Variants in EYA2 observed in about 807,000 individuals in gnomAD.
EYA2 encodes the protein EYA transcriptional coactivator and phosphatase 2, also known as protein phosphatase EYA2.
A neutral mutation model predicts 69.2 loss-of-function variants in EYA2; 31 were observed. The observed-to-expected ratio is 0.45, with a 90% CI of 0.34 to 0.60. EYA2 has a LOEUF of 0.60. Ranked by LOEUF, EYA2 falls within the 20% of genes least tolerant of loss-of-function variation. The probability of loss-of-function intolerance (pLI) is 0.02; values close to 1 mark genes in which losing one functional copy is unlikely to be tolerated. For synonymous variants in EYA2, 257 were observed against 279.4 expected, an observed-to-expected ratio of 0.92 and a Z score of 0.80; for missense variants, 622 against 701.2, an observed-to-expected ratio of 0.89 and a Z score of 1.28.
At chr20:47,096,164 A>C (rs1277959014) in intron 8 of EYA2, 1 of 152,236 alleles carries the variant, frequency 6.6e-6, no homozygotes, top group African/African-American at 2.4e-5. Flanking sequence ...AGTAAAGAGA[A>C]TACATACAAT....
At position 47,089,393 on chromosome 20, in the gene EYA2, G is replaced by GGGCT; in HGVS notation, c.804+13_804+16dup. ...ACAATGAGATTGAGGTAATCCAAAG[G>GGGCT]GGCTCTGTGTGACCTGGTGAATGTA... On this transcript the variant is annotated intron_variant, in intron 8 of 15. Coordinates refer to ENST00000327619, the MANE Select transcript of EYA2 (RefSeq NM_005244.5). 3 of 1,608,138 alleles carry GGGCT rather than the reference G, an allele frequency of 1.9e-6. No individual in the cohort carries two copies.
At chr20:46,964,215 C>T (rs530434508) in intron 1 of EYA2, among the ~76,000 whole-genome samples, 2 of 152,288 alleles carry the variant, frequency 1.3e-5, no homozygotes, top group African/African-American at 4.8e-5. Flanking sequence ...TTTTTAGTCC[C>T]TGTGAAAGTT....
chr20:46,928,832 A>G (rs1985529884), intron 1 of EYA2, among the ~76,000 whole-genome samples: 2 of 152,268 alleles, frequency 1.3e-5, no homozygotes, highest in East Asian at 3.9e-4. Context: ...GGACTGCTAT[A>G]CAGACAGAGT....
rs139848931 is a variant in EYA2 at position 47,080,944 on chromosome 20, C to T, written c.661+6609C>T. Among the ~76,000 whole-genome samples, 444 of 152,250 alleles carry T rather than the reference C, an allele frequency of 2.9e-3. 2 individuals are homozygous for T. The highest frequency in any genetic ancestry group is 0.01 in the African/African-American group (421 of 41,548). Reference sequence around the variant, plus strand: ...GTGCAGTGGTACGATCATAGTTCTCCGTAACCTCGAACTCCTGGGCTCAAG... The same window carrying T: ...GTGCAGTGGTACGATCATAGTTCTCTGTAACCTCGAACTCCTGGGCTCAAG... On this transcript the variant is annotated intron_variant, in intron 7 of 15. Coordinates refer to ENST00000327619, the MANE Select transcript of EYA2 (RefSeq NM_005244.5).
Position 47,185,276 on chromosome 20 carries a change from C to CTTTTTTT in EYA2, c.1536+1921_1536+1927dup, listed in dbSNP as rs765083065. On this transcript the variant is annotated intron_variant, in intron 15 of 15. Coordinates refer to ENST00000327619, the MANE Select transcript of EYA2 (RefSeq NM_005244.5). ...CTCTCCCAGAAAAATGAATCACACT[C>CTTTTTTT]TTTTTTTTTTTTTTTTTTTTTTTTT... Among the ~76,000 whole-genome samples the CTTTTTTT allele has an allele frequency of 1.6e-3, 92 of 55,932 alleles. 14 individuals carry two copies. The highest frequency in any genetic ancestry group is 4.0e-3 in the East Asian group (6 of 1,514). The allele number at this position is 55,932 out of a possible 152,430, so 36.7% of individuals were successfully genotyped here.
chr20:47,080,686 TG>T (rs1379065353), intron 7 of EYA2, among the ~76,000 whole-genome samples: 3 of 152,150 alleles, frequency 2.0e-5, no homozygotes, highest in Non-Finnish European at 4.4e-5. Flanking sequence ...AGAGGTTTAA[TG>T]GAGAACTCAG....
At chr20:47,045,042 C>A (rs1261340145) in intron 5 of EYA2, among the ~76,000 whole-genome samples, 4 of 152,194 alleles carry the variant, frequency 2.6e-5, no homozygotes, top group African/African-American at 9.7e-5. Flanking sequence ...AGTGTATGGA[C>A]TGGTGATTGC....
intron 7 of EYA2, 38 bp downstream of exon 7, chr20:47,074,373 G>T: frequency 6.2e-7 from 1 of 1,600,502 alleles, no homozygotes; most frequent in Non-Finnish European, 8.5e-7. Flanking sequence ...CATGGCTGTG[G>T]TCTGAGAGCT....
chr20:46,911,595 C>G (rs1470823796), intron 1 of EYA2, among the ~76,000 whole-genome samples: 1 of 152,204 alleles, frequency 6.6e-6, no homozygotes, highest in Admixed American at 6.5e-5. Context: ...TTTCTTAACT[C>G]TTAGCTGAGT....
intron 5 of EYA2, among the ~76,000 whole-genome samples, chr20:47,064,527 T>C (rs961675396): frequency 1.3e-5 from 2 of 152,230 alleles, no homozygotes; most frequent in African/African-American, 2.4e-5. Flanking sequence ...AGTCATATGG[T>C]AGTTTTGTAT....
intron 5 of EYA2, among the ~76,000 whole-genome samples, chr20:47,026,980 A>G (rs1984128148): frequency 6.8e-6 from 1 of 146,344 alleles, no homozygotes; most frequent in African/African-American, 2.5e-5. Context: ...GGCTGGCTTC[A>G]TGCCCACATC....
chr20:46,918,165 CA>C (rs1181166463), intron 1 of EYA2, among the ~76,000 whole-genome samples: 2 of 151,770 alleles, frequency 1.3e-5, no homozygotes, highest in East Asian at 4.0e-4. Context: ...CTAAAAAATA[CA>C]AAAAATTAGC....
intron 1 of EYA2, among the ~76,000 whole-genome samples, chr20:46,980,449 T>A (rs1980757652): frequency 6.6e-6 from 1 of 152,100 alleles, no homozygotes; most frequent in South Asian, 2.1e-4. Flanking sequence ...GTGCTGAAAT[T>A]TTTTTTACAA....
intron 7 of EYA2, 70 bp downstream of exon 7, chr20:47,074,405 C>G: frequency 6.8e-7 from 1 of 1,478,702 alleles, no homozygotes; most frequent in South Asian, 1.2e-5. Flanking sequence ...GGGACCCGCA[C>G]ATGGGTCCCA....
chr20:46,987,916 G>GACTCTGACTC, intron 1 of EYA2, among the ~76,000 whole-genome samples: 1 of 20,376 alleles, frequency 4.9e-5, no homozygotes, highest in African/African-American at 1.7e-4. Flanking sequence ...GACAGAGTAA[G>GACTCTGACTC]TCTCTCTCTC....
intron 5 of EYA2, among the ~76,000 whole-genome samples, chr20:47,051,335 G>A (rs925145256): frequency 6.6e-6 from 1 of 152,236 alleles, no homozygotes; most frequent in African/African-American, 2.4e-5. Flanking sequence ...GGTGCATTGG[G>A]AGGAAGAAGT....
intron 10 of EYA2, among the ~76,000 whole-genome samples, chr20:47,145,192 G>A (rs1040531050): frequency 3.6e-4 from 55 of 152,038 alleles, no homozygotes; most frequent in African/African-American, 1.2e-3. Context: ...ATAATCAGAT[G>A]TGAGAACAAG....
intron 1 of EYA2, among the ~76,000 whole-genome samples, chr20:46,898,121 G>A (rs971238388): frequency 2.0e-5 from 3 of 152,098 alleles, no homozygotes; most frequent in Admixed American, 1.3e-4. Flanking sequence ...GCCTAATGAT[G>A]TGGTTCCCCT....
chr20:47,041,927 A>G lies in EYA2; in HGVS notation c.415+25630A>G, dbSNP rs111689169. 3.5e-3 allele frequency among the ~76,000 whole-genome samples: 527 copies of G among 152,272 alleles called. 4 individuals are homozygous for G. The highest frequency in any genetic ancestry group is 0.012 in the African/African-American group (505 of 41,564). ...ATAGCACTACCTTAAATGGAAAGCC[A>G]GTTTTGTTTGCCATAAATGGAAGGT... On this transcript the variant is annotated intron_variant, in intron 5 of 15. Transcript: ENST00000327619.
Sources: allele counts gnomAD v4.1 joint callset (sites outside exome capture counted in the v4.1 genomes callset), GRCh38; gene constraint gnomAD v4.1.1; transcripts MANE v1.5; gene names NCBI Gene and HGNC (gene_info 2026-07-23, HGNC 2026-07-21).